The following SLC38A3 variants were observed in gnomAD, a reference collection of about 807,000 sequenced individuals.
SLC38A3 encodes the protein sodium-coupled neutral amino acid transporter 3.
Under a neutral mutation model 59.5 loss-of-function variants are expected in SLC38A3, and 17 were observed. The observed-to-expected ratio is 0.29, with a 90% CI of 0.20 to 0.43. SLC38A3 has a LOEUF of 0.43. Ranked by LOEUF, SLC38A3 falls within the 20% of genes least tolerant of loss-of-function variation. The pLI, the probability that SLC38A3 is intolerant of heterozygous loss-of-function variation, is 1.00. For missense variants in SLC38A3, 454 were observed against 653.9 expected (o/e 0.69, Z 3.33); for synonymous variants, 238 against 260.3 (o/e 0.91, Z 0.82).
rs765374352 is a variant in SLC38A3, at chr3:50,215,358, T to C, written c.300-28T>C. ...CACGGTAGCCCCCCAGTGGCCTCTT[T>C]TTCTTCCATCTTCCCATGTGTCCCC... On this transcript the variant is annotated intron_variant, in intron 4 of 15. Coordinates refer to ENST00000614032, the MANE Select transcript of SLC38A3 (RefSeq NM_006841.6). The surrounding 1 kb of genome is among the most constrained non-coding windows in gnomAD (Gnocchi z 7.1). 5 of 1,611,728 alleles carry C rather than the reference T, an allele frequency of 3.1e-6. No homozygotes were observed. The South Asian group carries it at 5.5e-5, about 18-fold the overall frequency.
intron 1 of SLC38A3, among the ~76,000 whole-genome samples, chr3:50,206,075 G>T (rs976663248): frequency 6.6e-6 from 1 of 152,268 alleles, no homozygotes; most frequent in Admixed American, 6.5e-5. Flanking sequence ...GCGCACGGCG[G>T]AGAGAAGGAA....
At chr3:50,211,512 G>A (rs1256683316) in intron 1 of SLC38A3, among the ~76,000 whole-genome samples, 3 of 73,066 alleles carry the variant, frequency 4.1e-5, no homozygotes, top group African/African-American at 1.7e-4. Flanking sequence ...GTGCCTACTG[G>A]AATTTTAGTA....
chr3:50,218,796 C>T lies in SLC38A3; in HGVS notation c.1162-8C>T, dbSNP rs762119470. The T allele has an allele frequency of 3.1e-6, 5 of 1,603,002 alleles. No homozygotes were observed. Among genetic ancestry groups the T allele is most frequent in the Non-Finnish European group, 4.3e-6 (5 of 1,170,788 alleles). ...ACAGGCTGATGATTCTTCTCACCTG[C>T]CCCCCAGGTGCGCCGCGCCATCCAG... On this transcript the variant is annotated splice_polypyrimidine_tract_variant and splice_region_variant and intron_variant, in intron 13 of 15. Coordinates refer to ENST00000614032, the MANE Select transcript of SLC38A3 (RefSeq NM_006841.6). This position sits in a 1 kb window ranked among gnomAD's most constrained non-coding sequence, Gnocchi z 5.8.
Position 50,218,007 on chromosome 3 carries a change from G to A in SLC38A3, c.935+11G>A, listed in dbSNP as rs750360477. ...TACTGAGCTCAAGGAGTAGGTGTCTGTGGCTGGGAGTGGGGGTGGGGATGC... is the reference window on the plus strand; with the variant it reads ...TACTGAGCTCAAGGAGTAGGTGTCTATGGCTGGGAGTGGGGGTGGGGATGC... On this transcript the variant is annotated intron_variant, in intron 11 of 15. Coordinates refer to ENST00000614032, the MANE Select transcript of SLC38A3 (RefSeq NM_006841.6). This position sits in a 1 kb window ranked among gnomAD's most constrained non-coding sequence, Gnocchi z 5.8. The A allele has an allele frequency of 6.2e-7, 1 of 1,613,162 alleles. No homozygotes were observed. The highest frequency in any genetic ancestry group is 1.3e-5 in the African/African-American group (1 of 74,922).
chr3:50,208,296 T>C (rs1384958803), intron 1 of SLC38A3, among the ~76,000 whole-genome samples: 8 of 149,690 alleles, frequency 5.3e-5, no homozygotes, highest in South Asian at 2.1e-4. Flanking sequence ...AGGGTCTCGC[T>C]GTGTTACCCA....
Position 50,215,042 on chromosome 3 carries a change from G to C in SLC38A3, c.299+274G>C. On this transcript the variant is annotated intron_variant, in intron 4 of 15. Transcript: ENST00000614032. The surrounding 1 kb of genome is among the most constrained non-coding windows in gnomAD (Gnocchi z 7.1). ...ACGTGATGGCCAAGCCCCACGGCCA[G>C]GCCTTGTGTGGGCACACGTGTCCTT... is the stretch of plus-strand genomic sequence containing the variant. The C allele has an allele frequency of 1.7e-6, 1 of 573,974 alleles. No homozygotes were observed. Among genetic ancestry groups the C allele is most frequent in the Non-Finnish European group, 3.1e-6 (1 of 322,258 alleles). 35.6% of individuals were successfully genotyped at this position (573,974 alleles called of 1,614,324 possible).
In SLC38A3 at chr3:50,220,855, G is replaced by A; in HGVS notation, c.*678G>A. 6.5e-6 allele frequency: 1 copy of A among 153,262 alleles called. No homozygotes were observed. Among genetic ancestry groups the A allele is most frequent in the East Asian group, 1.9e-4 (1 of 5,182 alleles). 9.5% of individuals were successfully genotyped at this position (153,262 alleles called of 1,614,324 possible). Reference sequence around the variant, plus strand: ...GGGCCACAGCTCACATTCCACTGCTGGGAGAAGAAACAGGCCGAGGCCCAG... The same window carrying A: ...GGGCCACAGCTCACATTCCACTGCTAGGAGAAGAAACAGGCCGAGGCCCAG... On this transcript the variant is annotated 3_prime_UTR_variant, in exon 16 of 16. Coordinates refer to ENST00000614032, the MANE Select transcript of SLC38A3 (RefSeq NM_006841.6).
chr3:50,218,260 T>G lies in SLC38A3; in HGVS notation c.936-10T>G. The G allele has an allele frequency of 9.6e-5, 111 of 1,154,914 alleles. No homozygotes were observed. Among genetic ancestry groups the G allele is most frequent in the Middle Eastern group, 2.0e-4 (1 of 5,086 alleles). 71.5% of individuals were successfully genotyped at this position (1,154,914 alleles called of 1,614,324 possible). On this transcript the variant is annotated splice_polypyrimidine_tract_variant and intron_variant, in intron 11 of 15. Coordinates refer to ENST00000614032, the MANE Select transcript of SLC38A3 (RefSeq NM_006841.6). The surrounding 1 kb of genome is among the most constrained non-coding windows in gnomAD (Gnocchi z 5.8). ...TTGTCACCAACACCCACCCCCCCAC[T>G]TCCCCACAGCCCCTCCAAGAAGAAG...
rs1041371826 is a variant in SLC38A3, at chr3:50,219,156, C to G, written c.1306+208C>G. Reference sequence around the variant, plus strand: ...TGAGTCAGTCCCCCTTGCTGGAGGACAGGGGTGGATCCCAGGGATCAGAGG... The same window carrying G: ...TGAGTCAGTCCCCCTTGCTGGAGGAGAGGGGTGGATCCCAGGGATCAGAGG... On this transcript the variant is annotated intron_variant, in intron 14 of 15. Transcript: ENST00000614032. Among the ~76,000 whole-genome samples the G allele has an allele frequency of 2.0e-5, 3 of 152,208 alleles. No individual in the cohort carries two copies. In the South Asian group the frequency reaches 6.2e-4, roughly 31 times the overall value.
intron 1 of SLC38A3, among the ~76,000 whole-genome samples, chr3:50,208,261 CTT>C (rs11293008): frequency 0.011 from 1,412 of 129,870 alleles, 11 homozygotes; most frequent in African/African-American, 0.036. Context: ...AGCTTTCTCT[CTT>C]TTTTTTTTTT....
chr3:50,216,018 T>G (rs1243832197), intron 7 of SLC38A3, among the ~76,000 whole-genome samples, 197 bp downstream of exon 7: 2 of 152,088 alleles, frequency 1.3e-5, no homozygotes, highest in African/African-American at 4.8e-5. Flanking sequence ...GGGAAGCACC[T>G]TGGAGACCCC....
At chr3:50,212,911 G>A (rs1409969907) in intron 1 of SLC38A3, among the ~76,000 whole-genome samples, 1 of 152,306 alleles carries the variant, frequency 6.6e-6, no homozygotes. Context: ...TCAGGACCAG[G>A]TTCTGGCTGT....
intron 1 of SLC38A3, among the ~76,000 whole-genome samples, chr3:50,212,728 C>A (rs1460456419): frequency 6.6e-6 from 1 of 152,140 alleles, no homozygotes; most frequent in Non-Finnish European, 1.5e-5. Flanking sequence ...CCAGGGGCAC[C>A]AGGCCTGAGG....
intron 1 of SLC38A3, among the ~76,000 whole-genome samples, chr3:50,207,091 A>G (rs887690665): frequency 3.9e-5 from 6 of 152,190 alleles, no homozygotes; most frequent in Admixed American, 6.6e-5. Flanking sequence ...TTGAGAGGGA[A>G]ACATATTTGG....
chr3:50,214,479 C>T lies in SLC38A3; in HGVS notation c.179C>T (p.Thr60Ile). The T allele has an allele frequency of 6.4e-7, 1 of 1,564,254 alleles. No individual in the cohort carries two copies. Among genetic ancestry groups the T allele is most frequent in the Non-Finnish European group, 8.7e-7 (1 of 1,154,336 alleles). The change falls in exon 3 of 16, where the codon ACT becomes ATT. Residue 60 changes from threonine to isoleucine, a missense_variant. By Grantham distance (89) the Thr-to-Ile change is moderately conservative (BLOSUM62 -1). Transcript: ENST00000614032. This position sits in a 1 kb window ranked among gnomAD's most constrained non-coding sequence, Gnocchi z 6.0. ...AGTCCCAGCAAGGAGCCACACTTCA[C>T]TGACGTGAGCAGGGCAGCAACGGGT... is the stretch of plus-strand genomic sequence containing the variant. ...QKSPSKEPHF[T>I]DFEGKTSFGM... is the part of the protein sequence containing the mutation.
rs1559756061 is a variant in SLC38A3, at chr3:50,217,939, TG to T, written c.880del (p.Ala294ProfsTer72). ...NSQTAYTIPI[M>X]AFAFVCHPEV... The stretch of plus-strand genomic sequence containing the variant: ...CAGACAGCATACACCATCCCCATCA[TG>T]GCCTTCGCCTTCGTCTGCCACCCCG... On this transcript the variant is annotated frameshift_variant, in exon 11 of 16. Coordinates refer to ENST00000614032, the MANE Select transcript of SLC38A3 (RefSeq NM_006841.6). LOFTEE classifies it high-confidence loss of function. This position sits in a 1 kb window ranked among gnomAD's most constrained non-coding sequence, Gnocchi z 4.9. 1 of 1,614,028 alleles carries T rather than the reference TG, an allele frequency of 6.2e-7. No homozygotes were observed.
chr3:50,217,542 G>A lies in SLC38A3; in HGVS notation c.690+69G>A. ...TCCTGGGGGAGTTCCCTGTCATCAG[G>A]AGGGGGCAGGTGTCTCTGGGAAGCC... On this transcript the variant is annotated intron_variant, in intron 9 of 15. Transcript: ENST00000614032. This position sits in a 1 kb window ranked among gnomAD's most constrained non-coding sequence, Gnocchi z 4.9. 6.3e-7 allele frequency: 1 copy of A among 1,583,560 alleles called. No homozygotes were observed. The highest frequency in any genetic ancestry group is 8.6e-7 in the Non-Finnish European group (1 of 1,158,992).
At position 50,220,187 on chromosome 3, in the gene SLC38A3, C is replaced by T. The variant is rs1699877666; in HGVS notation, c.*10C>T. On this transcript the variant is annotated 3_prime_UTR_variant, in exon 16 of 16. Coordinates refer to ENST00000614032, the MANE Select transcript of SLC38A3 (RefSeq NM_006841.6). ...TGGAGGAAACCACTAGGGTGACCCT[C>T]ATCCTGTTCTGTCTACTCACCCTAG... 2 of 1,566,562 alleles carry T rather than the reference C, an allele frequency of 1.3e-6. No individual in the cohort carries two copies. Among genetic ancestry groups the T allele is most frequent in the Non-Finnish European group, 1.7e-6 (2 of 1,152,188 alleles).
chr3:50,216,168 C>A (rs1480428824), intron 7 of SLC38A3, among the ~76,000 whole-genome samples: 2 of 152,216 alleles, frequency 1.3e-5, no homozygotes, highest in African/African-American at 4.8e-5. Flanking sequence ...TGGGGTTGCC[C>A]CCCCCAACCA....
Sources: gnomAD v4.1 joint callset for allele counts (sites outside exome capture counted in the v4.1 genomes callset) on GRCh38, gnomAD v4.1.1 for gene constraint, Gnocchi (gnomAD v3.1) non-coding constraint, MANE v1.5 for transcripts, NCBI Gene and HGNC (gene_info 2026-07-23, HGNC 2026-07-21) for gene names.